Variants in ADCY1 observed in about 807,000 individuals in gnomAD.
ADCY1 encodes adenylate cyclase 1.
ADCY1 carries 28 observed loss-of-function variants against 105.4 expected under a neutral mutation model. The observed-to-expected ratio is 0.27, with a 90% CI of 0.20 to 0.36. The LOEUF is 0.36. Among genes scored for constraint, ADCY1 ranks in the 10% least tolerant of loss-of-function variants. ADCY1 has a pLI of 1.00. For missense variants in ADCY1, 977 were observed against 1,434.2 expected, an observed-to-expected ratio of 0.68 and a Z score of 5.15; for synonymous variants, 655 against 623.8, an observed-to-expected ratio of 1.05 and a Z score of -0.75.
intron 1 of ADCY1, among the ~76,000 whole-genome samples, chr7:45,576,837 G>T (rs909043088): frequency 4.6e-5 from 7 of 152,024 alleles, no homozygotes; most frequent in Non-Finnish European, 7.4e-5. Context: ...TCCCTGGGCA[G>T]GCCCAGGGAT....
At chr7:45,617,977 A>G (rs574160825) in intron 3 of ADCY1, among the ~76,000 whole-genome samples, 1 of 152,338 alleles carries the variant, frequency 6.6e-6, no homozygotes, top group South Asian at 2.1e-4. Flanking sequence ...TGGCTTCAAG[A>G]TATACTACCA....
At chr7:45,687,462 G>A (rs940236537) in intron 14 of ADCY1, among the ~76,000 whole-genome samples, 1 of 152,172 alleles carries the variant, frequency 6.6e-6, no homozygotes, top group Admixed American at 6.5e-5. Context: ...ACAGCCCTCC[G>A]GGAGGTGAGG....
At chr7:45,579,368 C>T (rs1792451989) in intron 1 of ADCY1, among the ~76,000 whole-genome samples, 1 of 152,150 alleles carries the variant, frequency 6.6e-6, no homozygotes, top group Admixed American at 6.5e-5. Flanking sequence ...GGCCCCTCCT[C>T]TGGCTGGGCC....
intron 4 of ADCY1, among the ~76,000 whole-genome samples, chr7:45,623,388 C>G (rs1445724272): frequency 6.6e-6 from 1 of 152,208 alleles, no homozygotes; most frequent in Admixed American, 6.5e-5. Flanking sequence ...GCCAAACCTC[C>G]TTGTACAGAG....
At chr7:45,610,750 A>G (rs890865040) in intron 3 of ADCY1, among the ~76,000 whole-genome samples, 552 of 5,190 alleles carry the variant, frequency 0.11, 1 homozygote, top group South Asian at 0.16. Flanking sequence ...GGAGGTGATG[A>G]TGGAGGTGTA....
In ADCY1 at chr7:45,697,096, C is replaced by T. The variant is rs555054051; in HGVS notation, c.2455-6280C>T. 6.6e-5 allele frequency among the ~76,000 whole-genome samples: 10 copies of T among 152,322 alleles called. No homozygotes were observed. In the South Asian group the frequency reaches 1.9e-3, roughly 28 times the overall value. ...GTCTGACATTTTACCCTGGAAACTT[C>T]AGTCACTGAAACTGAGCTTGATCAA... On this transcript the variant is annotated intron_variant, in intron 14 of 19. Transcript: ENST00000297323.
chr7:45,645,696 T>C (rs1029298237), intron 4 of ADCY1, among the ~76,000 whole-genome samples: 4 of 152,082 alleles, frequency 2.6e-5, no homozygotes, highest in African/African-American at 9.7e-5. Context: ...GCAGGGACAC[T>C]AGCAGTTGCC....
At position 45,575,030 on chromosome 7, in the gene ADCY1, GT is replaced by G; in HGVS notation, c.490del (p.Trp164GlyfsTer22). On this transcript the variant is annotated frameshift_variant, in exon 1 of 20. Coordinates refer to ENST00000297323, the MANE Select transcript of ADCY1 (RefSeq NM_021116.4). LOFTEE classifies it high-confidence loss of function. This position sits in a 1 kb window ranked among gnomAD's most constrained non-coding sequence, Gnocchi z 4.7. ...AGGPATAEQG[V>X]WQLLLVTFVS... ...GGGGCCAGCGACCGCCGAACAAGGG[GT>G]TTGGCAGCTCCTTTTGGTCACCTTC... 6.2e-7 allele frequency: 1 copy of G among 1,612,554 alleles called. No homozygotes were observed. The highest frequency in any genetic ancestry group is 8.5e-7 in the Non-Finnish European group (1 of 1,179,788).
At chr7:45,673,161 A>G (rs1313542721) in intron 8 of ADCY1, among the ~76,000 whole-genome samples, 1 of 151,914 alleles carries the variant, frequency 6.6e-6, no homozygotes, top group Non-Finnish European at 1.5e-5. Context: ...TTCTAATTAT[A>G]TATTACTGAA....
intron 5 of ADCY1, among the ~76,000 whole-genome samples, chr7:45,651,474 C>T (rs1794808762): frequency 6.6e-6 from 1 of 152,204 alleles, no homozygotes; most frequent in Admixed American, 6.5e-5. Flanking sequence ...TTCCTCCTAC[C>T]TTGGAGTGGA....
chr7:45,687,901 G>T (rs1344371552), intron 14 of ADCY1, among the ~76,000 whole-genome samples: 1 of 152,332 alleles, frequency 6.6e-6, no homozygotes, highest in East Asian at 1.9e-4. Flanking sequence ...CTGCAGTCAG[G>T]ACTGAAGGCA....
chr7:45,607,473 G>T (rs897121887), intron 2 of ADCY1, among the ~76,000 whole-genome samples: 17 of 152,090 alleles, frequency 1.1e-4, no homozygotes, highest in Non-Finnish European at 2.4e-4. Flanking sequence ...TAGATTGAGG[G>T]TACATGTGCA....
At chr7:45,604,412 A>G (rs957967226) in intron 2 of ADCY1, among the ~76,000 whole-genome samples, 4 of 152,158 alleles carry the variant, frequency 2.6e-5, no homozygotes, top group Non-Finnish European at 4.4e-5. Flanking sequence ...AAGTCTAAAG[A>G]CTTTTTGCCT....
At chr7:45,610,760 A>AG (rs1793525963) in intron 3 of ADCY1, among the ~76,000 whole-genome samples, 1 of 2,344 alleles carries the variant, frequency 4.3e-4, no homozygotes, top group African/African-American at 1.8e-3. Flanking sequence ...ATGGAGGTGT[A>AG]GAGGTGATAG....
At chr7:45,638,314 A>T (rs1342143349) in intron 4 of ADCY1, among the ~76,000 whole-genome samples, 1 of 151,968 alleles carries the variant, frequency 6.6e-6, no homozygotes, top group Non-Finnish European at 1.5e-5. Context: ...TTTCATTTGG[A>T]TAGTAGCTAT....
At chr7:45,677,730 CAG>C in intron 8 of ADCY1, 137 bp from the exon 9 acceptor site, 1 of 883,024 alleles carries the variant, frequency 1.1e-6, no homozygotes, top group Non-Finnish European at 1.7e-6. Flanking sequence ...ACCAGCAGGG[CAG>C]AGTCATGATT....
intron 7 of ADCY1, among the ~76,000 whole-genome samples, chr7:45,661,408 T>C (rs1423458057): frequency 6.6e-6 from 1 of 151,748 alleles, no homozygotes; most frequent in Non-Finnish European, 1.5e-5. Flanking sequence ...GGAGAGGAGA[T>C]GGGGTCAGAG....
chr7:45,656,017 G>A (rs1306753394), intron 5 of ADCY1, among the ~76,000 whole-genome samples: 1 of 152,118 alleles, frequency 6.6e-6, no homozygotes, highest in Admixed American at 6.5e-5. Context: ...GCTGGGCATG[G>A]TGGCTCACAC....
At chr7:45,618,757 G>T (rs898385498) in intron 3 of ADCY1, among the ~76,000 whole-genome samples, 2 of 152,188 alleles carry the variant, frequency 1.3e-5, no homozygotes, top group Admixed American at 6.5e-5. Context: ...TCTTGTACCA[G>T]TTGGTGGGAA....
Sources: allele counts gnomAD v4.1 joint callset (sites outside exome capture counted in the v4.1 genomes callset), GRCh38; gene constraint gnomAD v4.1.1; non-coding constraint Gnocchi (gnomAD v3.1); transcripts MANE v1.5; gene names NCBI Gene and HGNC (gene_info 2026-07-23, HGNC 2026-07-21).